Variants in MYCL observed in about 807,000 individuals in gnomAD.
MYCL encodes MYCL proto-oncogene, bHLH transcription factor, also known as protein L-Myc.
MYCL carries 11 observed loss-of-function variants against 31.0 expected under a neutral mutation model. The observed-to-expected ratio is 0.35, with a 90% CI of 0.22 to 0.59. The LOEUF (loss-of-function observed/expected upper bound fraction) is 0.59. Among genes scored for constraint, MYCL ranks in the 20% least tolerant of loss-of-function variants. The probability of loss-of-function intolerance (pLI) is 0.79; values close to 1 mark genes in which losing one functional copy is unlikely to be tolerated. For synonymous variants in MYCL, 208 were observed against 202.4 expected (o/e 1.03, Z -0.23); for missense variants, 427 against 486.1 (o/e 0.88, Z 1.14).
At position 39,901,458 on chromosome 1, in the gene MYCL, G is replaced by C. The variant is rs780714998; in HGVS notation, c.-24C>G. 56 of 1,603,956 alleles carry C rather than the reference G, an allele frequency of 3.5e-5. No homozygotes were observed. In the Middle Eastern group the frequency reaches 1.0e-3, roughly 30 times the overall value. On this transcript the variant is annotated 5_prime_UTR_variant, in exon 1 of 2. Coordinates refer to ENST00000372816, the MANE Select transcript of MYCL (RefSeq NM_001033081.3). This position sits in a 1 kb window ranked among gnomAD's most constrained non-coding sequence, Gnocchi z 6.9. ...ATGTCCGCTCCCTGCGGGAGGGAAGGGGGGACGTGCTGACCGGGTGCCGGC... is the reference window on the plus strand; with the variant it reads ...ATGTCCGCTCCCTGCGGGAGGGAAGCGGGGACGTGCTGACCGGGTGCCGGC...
intron 1 of MYCL, chr1:39,899,478 C>T: frequency 3.4e-6 from 1 of 293,582 alleles, no homozygotes; most frequent in Non-Finnish European, 5.1e-6. Flanking sequence ...AGTCCAACCC[C>T]ATCGTGTGCA....
chr1:39,898,159 G>T, intron 1 of MYCL, 189 bp from the exon 2 acceptor site: 1 of 779,706 alleles, frequency 1.3e-6, no homozygotes, highest in Middle Eastern at 3.3e-4. Flanking sequence ...GTGAAGGAAA[G>T]GAGGGGACAT....
Position 39,897,244 on chromosome 1 carries a change from T to A in MYCL, c.*128A>T. 1.2e-6 allele frequency: 1 copy of A among 816,746 alleles called. No homozygotes were observed. 50.6% of individuals were successfully genotyped at this position (816,746 alleles called of 1,614,324 possible). Reference sequence around the variant, plus strand: ...TTTATTGTGTGTGCACCGGCTGCAATGCATTCTGGGATCTACTGTCCAGAC... The same window carrying A: ...TTTATTGTGTGTGCACCGGCTGCAAAGCATTCTGGGATCTACTGTCCAGAC... On this transcript the variant is annotated 3_prime_UTR_variant, in exon 2 of 2. Coordinates refer to ENST00000372816, the MANE Select transcript of MYCL (RefSeq NM_001033081.3). This position sits in a 1 kb window ranked among gnomAD's most constrained non-coding sequence, Gnocchi z 4.3.
Position 39,897,766 on chromosome 1 carries a change from T to G in MYCL, c.701A>C (p.Gln234Pro). 1 of 1,614,168 alleles carries G rather than the reference T, an allele frequency of 6.2e-7. No homozygotes were observed. The highest frequency in any genetic ancestry group is 8.5e-7 in the Non-Finnish European group (1 of 1,180,022). ...AGCATCTCTCTCCAGAACCTCTTCT[T>G]GGGGACCCCTCTCTGAAGCCTCTTC... Reference protein sequence around the residue: ...SQEEASERGPQEEVLERDAAG... With the variant: ...SQEEASERGPPEEVLERDAAG... The change falls in exon 2 of 2, where the codon CAA (glutamine) becomes CCA (proline). Residue 234 changes from glutamine (Q) to proline (P), a missense_variant. Physicochemically the swap from Gln to Pro is moderately conservative, Grantham distance 76. Transcript: ENST00000372816. This position sits in a 1 kb window ranked among gnomAD's most constrained non-coding sequence, Gnocchi z 4.3.
At position 39,901,711 on chromosome 1, in the gene MYCL, G is replaced by C. The variant is rs1644542613; in HGVS notation, c.-277C>G. On this transcript the variant is annotated 5_prime_UTR_variant, in exon 1 of 2. Transcript: ENST00000372816. The surrounding 1 kb of genome is among the most constrained non-coding windows in gnomAD (Gnocchi z 6.9). ...CCCGGAGCGCAGCTCCCAGGGCCCG[G>C]CGGGGCCGGGCGGGGGCGCGCCGTG... is the stretch of plus-strand genomic sequence containing the variant. The C allele has an allele frequency of 8.2e-7, 1 of 1,217,632 alleles. No individual in the cohort carries two copies. 75.4% of individuals were successfully genotyped at this position (1,217,632 alleles called of 1,614,324 possible). A position where few individuals can be genotyped will look rare whatever the true frequency, so the allele number is the denominator to read the frequency against.
chr1:39,900,330 G>T, intron 1 of MYCL: 1 of 985,676 alleles, frequency 1.0e-6, no homozygotes, highest in Non-Finnish European at 1.2e-6. Flanking sequence ...CTGACTTGTA[G>T]TGATTGTCTA....
Position 39,901,692 on chromosome 1 carries a change from G to A in MYCL, c.-258C>T. 2.4e-6 allele frequency: 3 copies of A among 1,262,100 alleles called. No homozygotes were observed. Among genetic ancestry groups the A allele is most frequent in the South Asian group, 2.8e-5 (1 of 36,304 alleles). 78.2% of individuals were successfully genotyped at this position (1,262,100 alleles called of 1,614,324 possible). A position where few individuals can be genotyped will look rare whatever the true frequency, so the allele number is the denominator to read the frequency against. On this transcript the variant is annotated 5_prime_UTR_variant, in exon 1 of 2. Coordinates refer to ENST00000372816, the MANE Select transcript of MYCL (RefSeq NM_001033081.3). This position sits in a 1 kb window ranked among gnomAD's most constrained non-coding sequence, Gnocchi z 6.9. Reference sequence around the variant, plus strand: ...GCAAACTTTGCCAGCGCCGCCCGGAGCGCAGCTCCCAGGGCCCGGCGGGGC... The same window carrying A: ...GCAAACTTTGCCAGCGCCGCCCGGAACGCAGCTCCCAGGGCCCGGCGGGGC...
At position 39,897,958 on chromosome 1, in the gene MYCL, A is replaced by G. The variant is rs766115019; in HGVS notation, c.509T>C (p.Ile170Thr). The change falls in exon 2 of 2, where the codon ATT becomes ACT. Residue 170 changes from isoleucine (I) to threonine (T), a missense_variant. Physicochemically the swap from Ile to Thr is moderately conservative, Grantham distance 89. Coordinates refer to ENST00000372816, the MANE Select transcript of MYCL (RefSeq NM_001033081.3). This position sits in a 1 kb window ranked among gnomAD's most constrained non-coding sequence, Gnocchi z 4.3. Reference protein sequence around the residue: ...ESPSDSENEEIDVVTVEKRQS... With the variant: ...ESPSDSENEETDVVTVEKRQS... ...CCTCTTCTCTACTGTCACAACATCA[A>G]TTTCTTCATTCTCTGTCCGAGAAAA... 1.9e-6 allele frequency: 3 copies of G among 1,612,630 alleles called. No individual in the cohort carries two copies. Among genetic ancestry groups the G allele is most frequent in the Middle Eastern group, 1.6e-4 (1 of 6,062 alleles).
rs1644495473 is a variant in MYCL at position 39,897,644 on chromosome 1, A to G, written c.823T>C (p.Ser275Pro). 1 of 1,614,116 alleles carries G rather than the reference A, an allele frequency of 6.2e-7. No homozygotes were observed. Among genetic ancestry groups the G allele is most frequent in the South Asian group, 1.1e-5 (1 of 91,090 alleles). The change falls in exon 2 of 2, where the codon TCT (serine) becomes CCT (proline). Residue 275 changes from serine (S) to proline (P), a missense_variant. Ser to Pro is a moderately conservative substitution (Grantham distance 74). Transcript: ENST00000372816. This position sits in a 1 kb window ranked among gnomAD's most constrained non-coding sequence, Gnocchi z 4.3. ...AQSCHPKPVS[S>P]DTEDVTKRKN... The stretch of plus-strand genomic sequence containing the variant: ...CTCTTGGTCACATCCTCAGTATCAG[A>G]ACTGACAGGTTTGGGGTGGCAGGAC...
intron 1 of MYCL, among the ~76,000 whole-genome samples, chr1:39,899,284 A>G (rs1163168398): frequency 6.6e-6 from 1 of 152,236 alleles, no homozygotes; most frequent in Non-Finnish European, 1.5e-5. Context: ...GTTCAGGTTA[A>G]AGGGTAGGTT....
rs117892743 is a variant in MYCL at position 39,900,484 on chromosome 1, G to A, written c.496+455C>T. 2.7e-5 allele frequency: 28 copies of A among 1,043,380 alleles called. No homozygotes were observed. In the East Asian group the frequency reaches 1.9e-3, roughly 69 times the overall value. 64.6% of individuals were successfully genotyped at this position (1,043,380 alleles called of 1,614,324 possible). A position where few individuals can be genotyped will look rare whatever the true frequency, so the allele number is the denominator to read the frequency against. On this transcript the variant is annotated intron_variant, in intron 1 of 1. Coordinates refer to ENST00000372816, the MANE Select transcript of MYCL (RefSeq NM_001033081.3). ...TGGCATTTTAAAGTAAAGCCAACTG[G>A]AGACCTAGGTTTTTAAAAGGACGAA...
rs148802757 is a variant in MYCL, at chr1:39,897,934, C to T, written c.533G>A (p.Arg178Lys). ...CGGCTTCCGAATACCCAGAGACTGC[C>T]TCTTCTCTACTGTCACAACATCAAT... ...EEIDVVTVEKRQSLGIRKPVT... is the reference protein window; with the variant it reads ...EEIDVVTVEKKQSLGIRKPVT... The change falls in exon 2 of 2, where the codon AGG becomes AAG. Residue 178 changes from arginine (R) to lysine (K), a missense_variant. Physicochemically the swap from Arg to Lys is conservative, Grantham distance 26 (BLOSUM62 2). Coordinates refer to ENST00000372816, the MANE Select transcript of MYCL (RefSeq NM_001033081.3). This position sits in a 1 kb window ranked among gnomAD's most constrained non-coding sequence, Gnocchi z 4.3. The T allele has an allele frequency of 1.9e-6, 3 of 1,613,928 alleles. No individual in the cohort carries two copies. The African/African-American group carries it at 4.0e-5, about 22-fold the overall frequency.
At position 39,901,786 on chromosome 1, in the gene MYCL, C is replaced by T. The variant is rs1644543611; in HGVS notation, c.-352G>A. On this transcript the variant is annotated 5_prime_UTR_variant, in exon 1 of 2. Transcript: ENST00000372816. This position sits in a 1 kb window ranked among gnomAD's most constrained non-coding sequence, Gnocchi z 6.9. The stretch of plus-strand genomic sequence containing the variant: ...CCGCACCGCGGGACCCGCGCCCGTG[C>T]CCTGGCCACCCGCAGCCTCACCTCG... The T allele has an allele frequency of 4.7e-6, 6 of 1,271,058 alleles. No homozygotes were observed. Among genetic ancestry groups the T allele is most frequent in the East Asian group, 4.1e-5 (1 of 24,490 alleles). The allele number at this position is 1,271,058 out of a possible 1,614,324, so 78.7% of individuals were successfully genotyped here. A position where few individuals can be genotyped will look rare whatever the true frequency, so the allele number is the denominator to read the frequency against.
At chr1:39,899,651 T>G (rs1644515779) in intron 1 of MYCL, 1 of 985,352 alleles carries the variant, frequency 1.0e-6, no homozygotes, top group Non-Finnish European at 1.2e-6. Flanking sequence ...GATCTCAAGA[T>G]TCTCTTTCCA....
Position 39,901,447 on chromosome 1 carries a change from C to A in MYCL, c.-13G>T. ...AGTCGTAGTCCATGTCCGCTCCCTGCGGGAGGGAAGGGGGGACGTGCTGAC... is the reference window on the plus strand; with the variant it reads ...AGTCGTAGTCCATGTCCGCTCCCTGAGGGAGGGAAGGGGGGACGTGCTGAC... On this transcript the variant is annotated 5_prime_UTR_variant, in exon 1 of 2. Transcript: ENST00000372816. The surrounding 1 kb of genome is among the most constrained non-coding windows in gnomAD (Gnocchi z 6.9). 1 of 1,607,258 alleles carries A rather than the reference C, an allele frequency of 6.2e-7. No homozygotes were observed. Among genetic ancestry groups the A allele is most frequent in the South Asian group, 1.1e-5 (1 of 90,728 alleles).
intron 1 of MYCL, among the ~76,000 whole-genome samples, chr1:39,898,380 A>C (rs1644503427): frequency 6.6e-6 from 1 of 152,172 alleles, no homozygotes; most frequent in Non-Finnish European, 1.5e-5. Flanking sequence ...AGAATTGTAA[A>C]TGAGGGGTCT....
At position 39,901,461 on chromosome 1, in the gene MYCL, G is replaced by A. The variant is rs749610371; in HGVS notation, c.-27C>T. 4.4e-6 allele frequency: 7 copies of A among 1,602,546 alleles called. No homozygotes were observed. Among genetic ancestry groups the A allele is most frequent in the South Asian group, 1.1e-5 (1 of 90,526 alleles). ...TCCGCTCCCTGCGGGAGGGAAGGGG[G>A]GACGTGCTGACCGGGTGCCGGCCGG... On this transcript the variant is annotated 5_prime_UTR_variant, in exon 1 of 2. Coordinates refer to ENST00000372816, the MANE Select transcript of MYCL (RefSeq NM_001033081.3). The surrounding 1 kb of genome is among the most constrained non-coding windows in gnomAD (Gnocchi z 6.9).
In MYCL at chr1:39,901,606, T is replaced by G. The variant is rs72939676; in HGVS notation, c.-172A>C. The G allele has an allele frequency of 7.9e-4, 1,122 of 1,425,622 alleles. 7 individuals are homozygous for G. The African/African-American group carries it at 0.015, about 19-fold the overall frequency. 88.3% of individuals were successfully genotyped at this position (1,425,622 alleles called of 1,614,324 possible). ...GCGTCCCGGGAAGCCGGGCCCCGGGTCAGAGTGGTAGGGGAAGCCAATCGC... is the reference window on the plus strand; with the variant it reads ...GCGTCCCGGGAAGCCGGGCCCCGGGGCAGAGTGGTAGGGGAAGCCAATCGC... On this transcript the variant is annotated 5_prime_UTR_variant, in exon 1 of 2. Coordinates refer to ENST00000372816, the MANE Select transcript of MYCL (RefSeq NM_001033081.3). The surrounding 1 kb of genome is among the most constrained non-coding windows in gnomAD (Gnocchi z 6.9).
rs1266179229 is a variant in MYCL, at chr1:39,897,543, C to T, written c.924G>A (p.Val308=). ...RSRFLALRDQ[V]PTLASCSKAP... ...CCTTGGAGCAGCTGGCCAGGGTGGGCACCTGGTCCCTCAGCGCCAAGAATC... is the reference window on the plus strand; with the variant it reads ...CCTTGGAGCAGCTGGCCAGGGTGGGTACCTGGTCCCTCAGCGCCAAGAATC... The change falls in exon 2 of 2, where the codon GTG becomes GTA. Residue 308 remains valine (V), a synonymous_variant. Transcript: ENST00000372816. This position sits in a 1 kb window ranked among gnomAD's most constrained non-coding sequence, Gnocchi z 4.3. 4 of 1,614,074 alleles carry T rather than the reference C, an allele frequency of 2.5e-6. No individual in the cohort carries two copies. The highest frequency in any genetic ancestry group is 2.5e-6 in the Non-Finnish European group (3 of 1,180,050).
Sources: gnomAD v4.1 joint callset for allele counts (sites outside exome capture counted in the v4.1 genomes callset) on GRCh38, gnomAD v4.1.1 for gene constraint, Gnocchi (gnomAD v3.1) non-coding constraint, MANE v1.5 for transcripts, NCBI Gene and HGNC (gene_info 2026-07-23, HGNC 2026-07-21) for gene names.